Variants in KAZN observed in about 807,000 individuals in gnomAD.
The protein encoded by KAZN is kazrin.
KAZN carries 40 observed loss-of-function variants against 87.4 expected under a neutral mutation model. The observed-to-expected ratio is 0.46, with a 90% CI of 0.36 to 0.60. KAZN has a LOEUF of 0.60. KAZN is among the 20% of genes least tolerant of loss of function. The probability of loss-of-function intolerance (pLI) is 0.00; values close to 1 mark genes in which losing one functional copy is unlikely to be tolerated. For missense variants in KAZN, 898 were observed against 1,073.9 expected (o/e 0.84, Z 2.29); for synonymous variants, 466 against 458.3 (o/e 1.02, Z -0.22).
At chr1:14,492,097 C>T (rs1669679678) in intron 2 of KAZN, among the ~76,000 whole-genome samples, 1 of 152,150 alleles carries the variant, frequency 6.6e-6, no homozygotes, top group Non-Finnish European at 1.5e-5. Context: ...CTGGCCACTG[C>T]TGTGAGCAGG....
intron 1 of KAZN, among the ~76,000 whole-genome samples, chr1:14,059,146 G>A (rs2101505846): frequency 6.6e-6 from 1 of 152,296 alleles, no homozygotes; most frequent in South Asian, 2.1e-4. Flanking sequence ...CAGACCAATA[G>A]GATATATGCA....
At chr1:14,818,982 G>C (rs1572564551) in intron 1 of KAZN, among the ~76,000 whole-genome samples, 1 of 152,174 alleles carries the variant, frequency 6.6e-6, no homozygotes, top group Admixed American at 6.5e-5. Context: ...TTGAATCTGG[G>C]AGGCAAACGC....
At chr1:14,680,641 T>A (rs998211041) in intron 1 of KAZN, among the ~76,000 whole-genome samples, 1 of 152,028 alleles carries the variant, frequency 6.6e-6, no homozygotes, top group African/African-American at 2.4e-5. Context: ...GGCCCCGGTG[T>A]GTGATGTTCC....
At chr1:14,140,263 C>G (rs547234729) in intron 1 of KAZN, among the ~76,000 whole-genome samples, 1 of 152,176 alleles carries the variant, frequency 6.6e-6, no homozygotes, top group East Asian at 1.9e-4. Context: ...ATTTCCTTAT[C>G]TGTAAAACTG....
At chr1:14,394,447 T>C (rs928586314) in intron 2 of KAZN, among the ~76,000 whole-genome samples, 1 of 152,248 alleles carries the variant, frequency 6.6e-6, no homozygotes, top group Non-Finnish European at 1.5e-5. Context: ...ACTGAAAAGC[T>C]TTTTTAAATA....
In KAZN at chr1:14,290,789, C is replaced by T. The variant is rs1388696451; in HGVS notation, c.249+110197C>T. The stretch of plus-strand genomic sequence containing the variant: ...GGTTTTAAAATTTTCAGCTTTTCTG[C>T]TCTGGTTTCTCCCCATCTTTGTGGT... On this transcript the variant is annotated intron_variant, in intron 2 of 16. Transcript: ENST00000636203. Among the ~76,000 whole-genome samples, 3 of 152,210 alleles carry T rather than the reference C, an allele frequency of 2.0e-5. No individual in the cohort carries two copies. The East Asian group carries it at 5.8e-4, about 29-fold the overall frequency.
chr1:14,962,314 C>T (rs79639011), intron 2 of KAZN, among the ~76,000 whole-genome samples: 1,525 of 152,292 alleles, frequency 0.01, 18 homozygotes, highest in Middle Eastern at 0.027. Context: ...GTAGATGACC[C>T]TCTTCTTCTG....
intron 2 of KAZN, among the ~76,000 whole-genome samples, chr1:14,286,667 C>A (rs763823410): frequency 2.6e-5 from 4 of 152,110 alleles, no homozygotes; most frequent in Admixed American, 2.0e-4. Context: ...ATGCAGCTTC[C>A]AGAAGAAAGC....
chr1:14,596,862 T>C (rs763521704), upstream of KAZN, among the ~76,000 whole-genome samples: 45 of 152,270 alleles, frequency 3.0e-4, no homozygotes, highest in Non-Finnish European at 5.6e-4. Context: ...TTGGGTTATT[T>C]CTGCCTTCTG....
chr1:14,543,159 A>C (rs1672921182), intron 2 of KAZN, among the ~76,000 whole-genome samples: 1 of 152,322 alleles, frequency 6.6e-6, no homozygotes, highest in East Asian at 1.9e-4. Context: ...CTGTGTCATA[A>C]TGTACTTTAA....
chr1:14,022,863 C>T (rs115964530), intron 1 of KAZN, among the ~76,000 whole-genome samples: 3,216 of 152,284 alleles, frequency 0.021, 110 homozygotes, highest in African/African-American at 0.073. Context: ...AGGGAAGTGA[C>T]TGGCCTGGGT....
intron 1 of KAZN, among the ~76,000 whole-genome samples, chr1:14,866,963 T>C (rs1357142578): frequency 6.6e-6 from 1 of 152,224 alleles, no homozygotes; most frequent in Non-Finnish European, 1.5e-5. Context: ...ATGCTGTTAT[T>C]GTCATGGCAT....
intron 2 of KAZN, among the ~76,000 whole-genome samples, chr1:14,423,011 T>G (rs554472055): frequency 5.3e-5 from 8 of 152,342 alleles, no homozygotes; most frequent in African/African-American, 1.9e-4. Context: ...TTAAGAACAG[T>G]GAAAACTTTT....
At chr1:14,608,332 G>C (rs1677532001) in intron 1 of KAZN, among the ~76,000 whole-genome samples, 1 of 152,150 alleles carries the variant, frequency 6.6e-6, no homozygotes. Flanking sequence ...AGTTATCTTG[G>C]ACTCACAGCC....
chr1:14,577,933 C>T (rs1675292314), intron 2 of KAZN, among the ~76,000 whole-genome samples: 1 of 152,144 alleles, frequency 6.6e-6, no homozygotes. Flanking sequence ...CACGGTCTAA[C>T]TGTCAAAAGT....
chr1:14,940,687 CG>C (rs1262449996), intron 1 of KAZN, among the ~76,000 whole-genome samples: 1 of 152,064 alleles, frequency 6.6e-6, no homozygotes, highest in Admixed American at 6.6e-5. Context: ...GAATGTTCCC[CG>C]GGCTGAGCTG....
intron 2 of KAZN, among the ~76,000 whole-genome samples, chr1:14,542,396 TAACA>T (rs760745777): frequency 6.6e-6 from 1 of 151,872 alleles, no homozygotes; most frequent in Non-Finnish European, 1.5e-5. Context: ...TATACATATG[TAACA>T]AACCTGCACG....
At chr1:14,957,406 AC>A (rs1663249887) in intron 1 of KAZN, among the ~76,000 whole-genome samples, 1 of 152,196 alleles carries the variant, frequency 6.6e-6, no homozygotes, top group South Asian at 2.1e-4. Context: ...GACAGACGTT[AC>A]CGAGTGCCCG....
At chr1:14,279,960 G>C (rs1383000716) in intron 2 of KAZN, among the ~76,000 whole-genome samples, 2 of 152,102 alleles carry the variant, frequency 1.3e-5, no homozygotes, top group African/African-American at 4.8e-5. Context: ...CACTGTTAGG[G>C]ATTGGGAATC....
Sources: allele counts gnomAD v4.1 joint callset (sites outside exome capture counted in the v4.1 genomes callset), GRCh38; gene constraint gnomAD v4.1.1; transcripts MANE v1.5; gene names NCBI Gene and HGNC (gene_info 2026-07-23, HGNC 2026-07-21).